PKD1L1: variants seen among roughly 807,000 people sequenced by gnomAD.
PKD1L1 encodes the protein polycystin-1-like protein 1.
A neutral mutation model predicts 323.4 loss-of-function variants in PKD1L1; 236 were observed. The observed-to-expected ratio is 0.73, with a 90% confidence interval of 0.66 to 0.81. The LOEUF (loss-of-function observed/expected upper bound fraction) is 0.81, where lower values mean the gene tolerates loss of function less well. Ranked by LOEUF, PKD1L1 falls within the 40% of genes least tolerant of loss-of-function variation. The pLI, the probability that PKD1L1 is intolerant of heterozygous loss-of-function variation, is 0.00. For synonymous variants in PKD1L1, 1,344 were observed against 1,335.0 expected (o/e 1.01, Z -0.15); for missense variants, 3,320 against 3,508.0 (o/e 0.95, Z 1.35).
chr7:47,846,088 T>C (rs1477992751), intron 32 of PKD1L1, among the ~76,000 whole-genome samples: 1 of 152,242 alleles, frequency 6.6e-6, no homozygotes, highest in Non-Finnish European at 1.5e-5. Flanking sequence ...AATAAATGGC[T>C]ATGAATTGCA....
chr7:47,873,964 C>G lies in PKD1L1; in HGVS notation c.3831G>C (p.Gln1277His). The change falls in exon 24 of 57, where the codon CAG becomes CAC. Residue 1277 changes from glutamine (Q) to histidine (H), a missense_variant. Physicochemically the swap from Gln to His is conservative, Grantham distance 24 (BLOSUM62 0). Transcript: ENST00000289672. ...GCACAGTCACCACCACAGTGCACGG[C>G]TGGACCTTGGAGCCTTTGCCATCTG... ...EITDGKGSKV[Q>H]PCTVVVTVLP... The G allele has an allele frequency of 6.2e-7, 1 of 1,614,032 alleles. No homozygotes were observed. Among genetic ancestry groups the G allele is most frequent in the Non-Finnish European group, 8.5e-7 (1 of 1,179,982 alleles).
intron 52 of PKD1L1, among the ~76,000 whole-genome samples, chr7:47,806,557 G>C (rs1031492077): frequency 6.6e-5 from 10 of 152,206 alleles, no homozygotes; most frequent in African/African-American, 2.4e-4. Flanking sequence ...AGTCCTCATC[G>C]GGCCCTAATA....
intron 1 of PKD1L1, among the ~76,000 whole-genome samples, chr7:47,945,934 A>G (rs889475128): frequency 6.6e-6 from 1 of 152,196 alleles, no homozygotes; most frequent in Non-Finnish European, 1.5e-5. Context: ...CACATCCCCA[A>G]CAGGTGTGTC....
chr7:47,902,058 A>AG (rs1333758124), intron 13 of PKD1L1, among the ~76,000 whole-genome samples: 9,478 of 121,940 alleles, frequency 0.078, 987 homozygotes, highest in African/African-American at 0.25. Flanking sequence ...AGAAAAGAAA[A>AG]AAAAGAAAAG....
At chr7:47,878,575 A>G (rs1208394501) in intron 21 of PKD1L1, among the ~76,000 whole-genome samples, 1 of 152,206 alleles carries the variant, frequency 6.6e-6, no homozygotes, top group Non-Finnish European at 1.5e-5. Context: ...CAGATCTCAT[A>G]ACAAAAGTAA....
At chr7:47,789,714 T>G (rs1334532892) in intron 56 of PKD1L1, among the ~76,000 whole-genome samples, 2 of 152,206 alleles carry the variant, frequency 1.3e-5, no homozygotes, top group African/African-American at 4.8e-5. Context: ...GTATATATTG[T>G]CCTTTGTTTT....
At position 47,803,435 on chromosome 7, in the gene PKD1L1, C is replaced by A. The variant is rs1784710149; in HGVS notation, c.7828-91G>T. 3.4e-6 allele frequency: 5 copies of A among 1,463,472 alleles called. No homozygotes were observed. In the East Asian group the frequency reaches 1.2e-4, roughly 34 times the overall value. The allele number at this position is 1,463,472 out of a possible 1,614,324, so 90.7% of individuals were successfully genotyped here. ...AGCTGTCAGTCATGCATAAAGAGTT[C>A]ATTGGATTTGATGATGTTATATAGA... On this transcript the variant is annotated intron_variant, in intron 52 of 56. Coordinates refer to ENST00000289672, the MANE Select transcript of PKD1L1 (RefSeq NM_138295.5).
At chr7:47,796,283 T>A (rs1044694472) in intron 54 of PKD1L1, 133 bp from the exon 55 acceptor site, 2 of 940,036 alleles carry the variant, frequency 2.1e-6, no homozygotes, top group African/African-American at 1.7e-5. Flanking sequence ...AAAATAGTGA[T>A]TTCTTGGTGA....
At chr7:47,844,748 T>C (rs1002652771) in intron 33 of PKD1L1, among the ~76,000 whole-genome samples, 3 of 152,236 alleles carry the variant, frequency 2.0e-5, no homozygotes, top group Non-Finnish European at 4.4e-5. Context: ...GTATGAAAAG[T>C]ATGTTGACTT....
rs1784649068 is a variant in PKD1L1 at position 47,800,946 on chromosome 7, C to T, written c.7963-67G>A. 3.6e-6 allele frequency: 5 copies of T among 1,403,800 alleles called. No homozygotes were observed. The Admixed American group carries it at 7.1e-5, about 20-fold the overall frequency. The allele number at this position is 1,403,800 out of a possible 1,614,324, so 87.0% of individuals were successfully genotyped here. Reference sequence around the variant, plus strand: ...TTCTTAGGAGTGGAAGACTCAACTTCCAAATGTTGAAAATAGAGACAAACT... The same window carrying T: ...TTCTTAGGAGTGGAAGACTCAACTTTCAAATGTTGAAAATAGAGACAAACT... On this transcript the variant is annotated intron_variant, in intron 53 of 56. Transcript: ENST00000289672.
At chr7:47,795,785 G>A (rs1784510600) in intron 55 of PKD1L1, among the ~76,000 whole-genome samples, 1 of 152,158 alleles carries the variant, frequency 6.6e-6, no homozygotes, top group Admixed American at 6.5e-5. Flanking sequence ...AGGAGAATGT[G>A]CTTGGTAATC....
In PKD1L1 at chr7:47,809,488, T is replaced by C; in HGVS notation, c.7671A>G (p.Pro2557=). Residue 2557 remains proline, a synonymous_variant, in exon 51 of 57, where the codon CCA becomes CCG. Coordinates refer to ENST00000289672, the MANE Select transcript of PKD1L1 (RefSeq NM_138295.5). ...GAGAGGCTACCTCCAGCCAGTTCCT[T>C]GGCTTTCGCCAGTAGCTGAGGACGC... ...DKGVLSYWRK[P]RNWLELSVVG... is the part of the protein sequence containing the mutation. The C allele has an allele frequency of 6.2e-7, 1 of 1,603,216 alleles. No individual in the cohort carries two copies. The highest frequency in any genetic ancestry group is 1.1e-5 in the South Asian group (1 of 88,628).
At chr7:47,775,281 A>T in intron 56 of PKD1L1, 115 bp from the exon 57 acceptor site, 1 of 1,135,752 alleles carries the variant, frequency 8.8e-7, no homozygotes, top group East Asian at 2.6e-5. Context: ...ACCATCAGCT[A>T]ACTTGACCAA....
At chr7:47,834,848 A>G (rs1785422940) in intron 39 of PKD1L1, 119 bp downstream of exon 39, 8 of 811,408 alleles carry the variant, frequency 9.9e-6, no homozygotes, top group Non-Finnish European at 1.2e-5. Context: ...ATGATGCTCA[A>G]TGTTACTCAT....
chr7:47,829,942 GAA>G, intron 43 of PKD1L1, 96 bp downstream of exon 43: 1 of 1,179,864 alleles, frequency 8.5e-7, no homozygotes, highest in African/African-American at 1.5e-5. Flanking sequence ...AGGGTATAAA[GAA>G]AAGTCATACA....
chr7:47,814,555 T>G (rs905377956), intron 47 of PKD1L1, among the ~76,000 whole-genome samples: 1 of 152,144 alleles, frequency 6.6e-6, no homozygotes, highest in African/African-American at 2.4e-5. Flanking sequence ...AATTTTTGTA[T>G]TTTTAGTCTG....
rs1788092450 is a variant in PKD1L1, at chr7:47,946,236, C to T, written c.44+2161G>A. Among the ~76,000 whole-genome samples the T allele has an allele frequency of 6.6e-6, 1 of 152,066 alleles. No homozygotes were observed. The highest frequency in any genetic ancestry group is 2.4e-5 in the African/African-American group (1 of 41,386). On this transcript the variant is annotated intron_variant, in intron 1 of 56. Coordinates refer to ENST00000289672, the MANE Select transcript of PKD1L1 (RefSeq NM_138295.5). The surrounding 1 kb of genome is among the most constrained non-coding windows in gnomAD (Gnocchi z 4.1). Reference sequence around the variant, plus strand: ...ATGTGCCTCAAGGGAACTAGTCGAGCCATTTGTTTGAATTACATGACAGAT... The same window carrying T: ...ATGTGCCTCAAGGGAACTAGTCGAGTCATTTGTTTGAATTACATGACAGAT...
At chr7:47,807,301 T>C (rs1019366335) in intron 52 of PKD1L1, among the ~76,000 whole-genome samples, 2 of 151,796 alleles carry the variant, frequency 1.3e-5, no homozygotes, top group South Asian at 4.2e-4. Flanking sequence ...GGGGCACTGG[T>C]GGAGGAAGCA....
Position 47,877,512 on chromosome 7 carries a change from C to CACTGAAG in PKD1L1, c.3633_3639dup (p.Val1214LeufsTer15), listed in dbSNP as rs1786434712. ...ACCGGTTTTCCAGACATGCAGAAGA[C>CACTGAAG]ACTGAAGACGGTGTGTGCTTCCAGA... On this transcript the variant is annotated frameshift_variant, in exon 22 of 57. Transcript: ENST00000289672. LOFTEE classifies it high-confidence loss of function. 6.2e-7 allele frequency: 1 copy of CACTGAAG among 1,613,882 alleles called. No individual in the cohort carries two copies. The highest frequency in any genetic ancestry group is 1.3e-5 in the African/African-American group (1 of 75,008).
Sources: allele counts gnomAD v4.1 joint callset (sites outside exome capture counted in the v4.1 genomes callset), GRCh38; gene constraint gnomAD v4.1.1; non-coding constraint Gnocchi (gnomAD v3.1); transcripts MANE v1.5; gene names NCBI Gene and HGNC (gene_info 2026-07-23, HGNC 2026-07-21).